CTNNA3: variants seen among roughly 807,000 people sequenced by gnomAD.
The protein encoded by CTNNA3 is catenin alpha-3.
In CTNNA3, 76 loss-of-function variants were observed where a neutral mutation model predicts 95.7. The observed-to-expected ratio is 0.79, with a 90% CI of 0.66 to 0.96. The LOEUF is 0.96. CTNNA3 is among the 40% of genes least tolerant of loss of function. CTNNA3 has a pLI of 0.00. For synonymous variants in CTNNA3, 431 were observed against 374.4 expected, an observed-to-expected ratio of 1.15 and a Z score of -1.74; for missense variants, 1,191 against 1,089.8, an observed-to-expected ratio of 1.09 and a Z score of -1.31.
intron 9 of CTNNA3, among the ~76,000 whole-genome samples, chr10:66,679,242 A>G (rs1360481780): frequency 6.6e-6 from 1 of 152,204 alleles, no homozygotes; most frequent in African/African-American, 2.4e-5. Context: ...GCACACCAAG[A>G]AGGCAGAATT....
intron 13 of CTNNA3, among the ~76,000 whole-genome samples, chr10:66,220,778 G>A (rs966180991): frequency 1.3e-5 from 2 of 152,096 alleles, no homozygotes; most frequent in East Asian, 1.9e-4. Context: ...CCATCAAGCC[G>A]TCCCTCTGAA....
intron 15 of CTNNA3, among the ~76,000 whole-genome samples, chr10:65,989,799 G>T (rs1270019855): frequency 1.3e-5 from 2 of 151,836 alleles, no homozygotes; most frequent in Non-Finnish European, 1.5e-5. Flanking sequence ...CTCAACTATT[G>T]AATATTTGAA....
chr10:65,955,173 AT>A (rs1263849758), intron 17 of CTNNA3, among the ~76,000 whole-genome samples: 1 of 152,080 alleles, frequency 6.6e-6, no homozygotes, highest in East Asian at 1.9e-4. Flanking sequence ...TTCACTCATG[AT>A]TTGGCTCTCT....
chr10:67,178,135 C>T (rs1862332506), intron 7 of CTNNA3, among the ~76,000 whole-genome samples: 1 of 152,136 alleles, frequency 6.6e-6, no homozygotes, highest in South Asian at 2.1e-4. Context: ...CACCTGTTCT[C>T]CCACCCAGTG....
At chr10:67,654,851 AG>A (rs1233195996) in intron 1 of CTNNA3, among the ~76,000 whole-genome samples, 4 of 152,286 alleles carry the variant, frequency 2.6e-5, no homozygotes, top group African/African-American at 9.6e-5. Context: ...TCCATGCAAG[AG>A]TGTGCATTCA....
At chr10:66,868,261 A>G (rs1201106636) in intron 7 of CTNNA3, among the ~76,000 whole-genome samples, 2 of 151,134 alleles carry the variant, frequency 1.3e-5, no homozygotes, top group African/African-American at 4.9e-5. Flanking sequence ...GTTACTCCGG[A>G]GGCTGAGGCT....
intron 10 of CTNNA3, among the ~76,000 whole-genome samples, chr10:66,541,088 A>G (rs1402077288): frequency 6.6e-6 from 1 of 152,128 alleles, no homozygotes; most frequent in Non-Finnish European, 1.5e-5. Context: ...CAACTATTTT[A>G]GCCCATTTGT....
chr10:67,674,441 T>C (rs1314385735), intron 1 of CTNNA3, among the ~76,000 whole-genome samples: 1 of 152,062 alleles, frequency 6.6e-6, no homozygotes, highest in Admixed American at 6.6e-5. Flanking sequence ...GTCTGTGGTA[T>C]TTTACTCTGG....
intron 15 of CTNNA3, among the ~76,000 whole-genome samples, chr10:66,043,445 T>A (rs972466173): frequency 1.3e-5 from 2 of 152,126 alleles, no homozygotes; most frequent in Admixed American, 1.3e-4. Flanking sequence ...ATTAAATGAG[T>A]TTTGCCCTTA....
At chr10:66,562,844 A>G (rs1842594514) in intron 10 of CTNNA3, among the ~76,000 whole-genome samples, 1 of 152,116 alleles carries the variant, frequency 6.6e-6, no homozygotes, top group African/African-American at 2.4e-5. Context: ...AAATATCTTT[A>G]TACTATTTGT....
At chr10:66,276,481 G>A (rs544271860) in intron 13 of CTNNA3, among the ~76,000 whole-genome samples, 36 of 152,126 alleles carry the variant, frequency 2.4e-4, no homozygotes, top group African/African-American at 8.7e-4. Context: ...AACATTGAGA[G>A]TTCAGTTCTC....
At position 66,588,347 on chromosome 10, in the gene CTNNA3, G is replaced by A. The variant is rs563101119; in HGVS notation, c.1374+33345C>T. Reference sequence around the variant, plus strand: ...GTCTGTAGTTTCTTTCAGTTTTTCTGTTAAGTTCCTGTGTTGCTTCTTAGA... The same window carrying A: ...GTCTGTAGTTTCTTTCAGTTTTTCTATTAAGTTCCTGTGTTGCTTCTTAGA... On this transcript the variant is annotated intron_variant, in intron 10 of 17. Coordinates refer to ENST00000433211, the MANE Select transcript of CTNNA3 (RefSeq NM_013266.4). 3.6e-4 allele frequency among the ~76,000 whole-genome samples: 55 copies of A among 152,220 alleles called. 1 individual carries two copies. Among genetic ancestry groups the A allele is most frequent in the African/African-American group, 1.3e-3 (53 of 41,556 alleles).
intron 13 of CTNNA3, among the ~76,000 whole-genome samples, chr10:66,153,620 T>C (rs780000866): frequency 1.3e-5 from 2 of 151,934 alleles, no homozygotes; most frequent in Non-Finnish European, 2.9e-5. Flanking sequence ...GATTTCTCTT[T>C]TCTGAGATGC....
At chr10:67,097,606 T>C (rs1304476461) in intron 7 of CTNNA3, 1 of 1,612,386 alleles carries the variant, frequency 6.2e-7, no homozygotes, top group South Asian at 1.1e-5. Flanking sequence ...TCAATGAATG[T>C]GTCAACCTTT....
chr10:67,276,300 C>A (rs1404189390), intron 5 of CTNNA3, among the ~76,000 whole-genome samples: 1 of 151,954 alleles, frequency 6.6e-6, no homozygotes. Flanking sequence ...CTTTTCAAAC[C>A]AGGTATTGAA....
chr10:67,105,686 G>A (rs1858594844), intron 7 of CTNNA3, among the ~76,000 whole-genome samples: 1 of 152,082 alleles, frequency 6.6e-6, no homozygotes. Flanking sequence ...CCACCACAAT[G>A]GGGAGCTGGA....
In CTNNA3 at chr10:66,524,741, T is replaced by C. The variant is rs111813524; in HGVS notation, c.1375-3968A>G. Reference sequence around the variant, plus strand: ...GAAGAAACTGTAAATAGACTGAACCTATAATGTTTAAAAAGAAAAAAAAAT... The same window carrying C: ...GAAGAAACTGTAAATAGACTGAACCCATAATGTTTAAAAAGAAAAAAAAAT... On this transcript the variant is annotated intron_variant, in intron 10 of 17. Transcript: ENST00000433211. 6.9e-3 allele frequency among the ~76,000 whole-genome samples: 1,045 copies of C among 152,050 alleles called. 14 individuals are homozygous for C. The highest frequency in any genetic ancestry group is 0.024 in the African/African-American group (999 of 41,496).
intron 1 of CTNNA3, among the ~76,000 whole-genome samples, chr10:67,756,614 TA>T (rs1841434383): frequency 1.3e-5 from 2 of 152,236 alleles, no homozygotes; most frequent in African/African-American, 2.4e-5. Flanking sequence ...TAATTCTATT[TA>T]CATAAAATGT....
At chr10:66,685,174 T>C (rs4463746) in intron 9 of CTNNA3, among the ~76,000 whole-genome samples, 76,069 of 134,966 alleles carry the variant, frequency 0.56, 21,909 homozygotes, top group African/African-American at 0.69. Flanking sequence ...TATATATATA[T>C]ACACATATAT....
Sources: allele counts gnomAD v4.1 joint callset (sites outside exome capture counted in the v4.1 genomes callset), GRCh38; gene constraint gnomAD v4.1.1; transcripts MANE v1.5; gene names NCBI Gene and HGNC (gene_info 2026-07-23, HGNC 2026-07-21).